The following GUCY2C variants were observed in gnomAD, a reference collection of about 807,000 sequenced individuals.
GUCY2C encodes guanylyl cyclase C.
GUCY2C carries 118 observed loss-of-function variants against 131.1 expected under a neutral mutation model. The observed-to-expected ratio is 0.90, with a 90% CI of 0.78 to 1.05. GUCY2C has a LOEUF of 1.05. Among genes scored for constraint, GUCY2C ranks in the 50% least tolerant of loss-of-function variants. GUCY2C has a pLI of 0.00. For synonymous variants in GUCY2C, 452 were observed against 457.8 expected, an observed-to-expected ratio of 0.99 and a Z score of 0.16; for missense variants, 1,161 against 1,304.4, an observed-to-expected ratio of 0.89 and a Z score of 1.69.
At position 14,660,967 on chromosome 12, in the gene GUCY2C, A is replaced by C; in HGVS notation, c.1364+14T>G. 6.3e-7 allele frequency: 1 copy of C among 1,577,410 alleles called. No homozygotes were observed. The highest frequency in any genetic ancestry group is 2.2e-5 in the East Asian group (1 of 44,704). On this transcript the variant is annotated intron_variant, in intron 11 of 26. Transcript: ENST00000261170. ...TCTGGATACCGAACACAGGCATGAT[A>C]GAGGCGGCTGTACCTGAGCATCAGG...
chr12:14,651,857 C>T (rs577516693), intron 14 of GUCY2C, 102 bp downstream of exon 14: 1 of 667,298 alleles, frequency 1.5e-6, no homozygotes, highest in African/African-American at 1.8e-5. Context: ...ATTTCTTGGC[C>T]TGAGGGCTTT....
intron 15 of GUCY2C, among the ~76,000 whole-genome samples, chr12:14,647,450 G>T (rs1335740952): frequency 2.6e-5 from 4 of 152,196 alleles, no homozygotes; most frequent in Non-Finnish European, 5.9e-5. Context: ...GGTATAGGGT[G>T]TCGGTAAATC....
chr12:14,696,279 G>C lies in GUCY2C; in HGVS notation c.170C>G (p.Ala57Gly), dbSNP rs771612876. ...CACTATTTCCAGCCCCTCATTCACC[G>C]CATCTTCCAAGTTTTTCAGGGGCTC... ...FAEPLKNLED[A>G]VNEGLEIVRG... is the part of the protein sequence containing the mutation. The change falls in exon 1 of 27, where the codon GCG becomes GGG. Residue 57 changes from alanine (A) to glycine (G), a missense_variant. Ala to Gly is a moderately conservative substitution (Grantham distance 60). Transcript: ENST00000261170. 1 of 1,613,932 alleles carries C rather than the reference G, an allele frequency of 6.2e-7. No individual in the cohort carries two copies. Among genetic ancestry groups the C allele is most frequent in the South Asian group, 1.1e-5 (1 of 91,082 alleles).
intron 25 of GUCY2C, among the ~76,000 whole-genome samples, chr12:14,616,246 C>G (rs1290649803): frequency 6.6e-6 from 1 of 152,008 alleles, no homozygotes; most frequent in African/African-American, 2.4e-5. Flanking sequence ...AAGCAACTGG[C>G]AAGAGAGGTG....
chr12:14,682,366 T>A (rs1350789574), intron 4 of GUCY2C, among the ~76,000 whole-genome samples: 1 of 152,132 alleles, frequency 6.6e-6, no homozygotes, highest in Non-Finnish European at 1.5e-5. Flanking sequence ...AAGGGGCTCT[T>A]CCCTTTTTGC....
At chr12:14,675,255 A>AG (rs1039386357) in intron 7 of GUCY2C, among the ~76,000 whole-genome samples, 4 of 151,072 alleles carry the variant, frequency 2.6e-5, no homozygotes, top group African/African-American at 9.7e-5. Flanking sequence ...AGAAAGAAAA[A>AG]AAACTCTTCC....
Position 14,639,850 on chromosome 12 carries a change from A to C in GUCY2C, c.2157+12T>G. On this transcript the variant is annotated intron_variant, in intron 19 of 26. Coordinates refer to ENST00000261170, the MANE Select transcript of GUCY2C (RefSeq NM_004963.4). Reference sequence around the variant, plus strand: ...GCAGGCCAAGGAAATGAATACGGGAAGATATACTCACTTCTAGCTCTTTTT... The same window carrying C: ...GCAGGCCAAGGAAATGAATACGGGACGATATACTCACTTCTAGCTCTTTTT... 11 of 1,457,222 alleles carry C rather than the reference A, an allele frequency of 7.5e-6. No individual in the cohort carries two copies. Among genetic ancestry groups the C allele is most frequent in the Middle Eastern group, 1.7e-4 (1 of 5,758 alleles). 90.3% of individuals were successfully genotyped at this position (1,457,222 alleles called of 1,614,324 possible). A position where few individuals can be genotyped will look rare whatever the true frequency, so the allele number is the denominator to read the frequency against.
At chr12:14,617,971 G>A (rs887868974) in intron 24 of GUCY2C, among the ~76,000 whole-genome samples, 1 of 152,080 alleles carries the variant, frequency 6.6e-6, no homozygotes, top group Non-Finnish European at 1.5e-5. Flanking sequence ...TGATTTGCCA[G>A]GACAAACTAG....
intron 19 of GUCY2C, among the ~76,000 whole-genome samples, chr12:14,631,629 A>G (rs1006686857): frequency 6.7e-5 from 10 of 148,364 alleles, no homozygotes; most frequent in Non-Finnish European, 1.5e-4. Flanking sequence ...CCAGTCTATC[A>G]TTGTTGGACA....
At position 14,688,054 on chromosome 12, in the gene GUCY2C, A is replaced by G; in HGVS notation, c.227T>C (p.Val76Ala). The G allele has an allele frequency of 6.2e-7, 1 of 1,606,252 alleles. No individual in the cohort carries two copies. Among genetic ancestry groups the G allele is most frequent in the Non-Finnish European group, 8.5e-7 (1 of 1,172,760 alleles). Residue 76 changes from valine to alanine, a missense_variant, in exon 2 of 27, where the codon GTG (valine) becomes GCG (alanine). Coordinates refer to ENST00000261170, the MANE Select transcript of GUCY2C (RefSeq NM_004963.4). Reference sequence around the variant, plus strand: ...ATACATGAAAGTAGCGTTCACAGTCACATTTAGGCCTGTCGCCCAGAGATG... The same window carrying G: ...ATACATGAAAGTAGCGTTCACAGTCGCATTTAGGCCTGTCGCCCAGAGATG... ...RGRLQNAGLN[V>A]TVNATFMYSD...
chr12:14,667,661 A>G (rs2137064539), intron 10 of GUCY2C, among the ~76,000 whole-genome samples: 1 of 152,302 alleles, frequency 6.6e-6, no homozygotes, highest in South Asian at 2.1e-4. Context: ...GGGCTGGTAT[A>G]AAAATATTTG....
chr12:14,673,002 G>T, intron 8 of GUCY2C, 44 bp from the exon 9 acceptor site: 2 of 1,109,244 alleles, frequency 1.8e-6, no homozygotes, highest in Non-Finnish European at 2.8e-6. Context: ...CTTGATTTTT[G>T]CCTGACAGAT....
At chr12:14,645,530 AC>A (rs1947503022) in intron 15 of GUCY2C, among the ~76,000 whole-genome samples, 1 of 152,190 alleles carries the variant, frequency 6.6e-6, no homozygotes, top group African/African-American at 2.4e-5. Context: ...AGCAGGAGGT[AC>A]CCATAGCATC....
chr12:14,638,001 C>G (rs1467729790), intron 19 of GUCY2C, among the ~76,000 whole-genome samples: 1 of 152,044 alleles, frequency 6.6e-6, no homozygotes, highest in Non-Finnish European at 1.5e-5. Context: ...CCAGAATATA[C>G]AAGGAGCTCA....
At chr12:14,626,688 T>A (rs577000847) in intron 20 of GUCY2C, among the ~76,000 whole-genome samples, 12 of 152,292 alleles carry the variant, frequency 7.9e-5, no homozygotes, top group African/African-American at 2.6e-4. Flanking sequence ...CTAATTTGTA[T>A]CATAAAATAC....
chr12:14,636,085 A>G (rs1035656479), intron 19 of GUCY2C, among the ~76,000 whole-genome samples: 1 of 152,162 alleles, frequency 6.6e-6, no homozygotes, highest in Non-Finnish European at 1.5e-5. Flanking sequence ...TGAATAGGGA[A>G]TTCTCCTTCA....
chr12:14,642,086 T>C (rs550476961), intron 17 of GUCY2C, among the ~76,000 whole-genome samples: 2 of 152,314 alleles, frequency 1.3e-5, no homozygotes, highest in East Asian at 3.9e-4. Flanking sequence ...ATGGCTGATA[T>C]TTTCAAGGCA....
intron 21 of GUCY2C, among the ~76,000 whole-genome samples, chr12:14,625,059 G>T (rs1946978879): frequency 6.6e-6 from 1 of 152,184 alleles, no homozygotes; most frequent in African/African-American, 2.4e-5. Context: ...GGGCTCATGG[G>T]TTCTGCCCTT....
In GUCY2C at chr12:14,645,280, G is replaced by C; in HGVS notation, c.1746C>G (p.Gly582=). Residue 582 remains glycine, a synonymous_variant, in exon 16 of 27, where the codon GGC becomes GGG. Coordinates refer to ENST00000261170, the MANE Select transcript of GUCY2C (RefSeq NM_004963.4). Reference sequence around the variant, plus strand: ...TCTTAAACTCCCAATCCATGAATGTGCCATCAGGGTAGGAAATTGTGTCAT... The same window carrying C: ...TCTTAAACTCCCAATCCATGAATGTCCCATCAGGGTAGGAAATTGTGTCAT... ...VLNDTISYPD[G]TFMDWEFKIS... 1 of 1,596,846 alleles carries C rather than the reference G, an allele frequency of 6.3e-7. No homozygotes were observed. Among genetic ancestry groups the C allele is most frequent in the Non-Finnish European group, 8.6e-7 (1 of 1,164,892 alleles).
Sources: gnomAD v4.1 joint callset for allele counts (sites outside exome capture counted in the v4.1 genomes callset) on GRCh38, gnomAD v4.1.1 for gene constraint, MANE v1.5 for transcripts, NCBI Gene and HGNC (gene_info 2026-07-23, HGNC 2026-07-21) for gene names.